Variants in NDST1 observed in about 807,000 individuals in gnomAD.
The protein encoded by NDST1 is N-deacetylase and N-sulfotransferase 1.
In NDST1, 35 loss-of-function variants were observed where a neutral mutation model predicts 92.8. That is an observed-to-expected ratio of 0.38 (90% CI 0.29 to 0.50). The LOEUF (loss-of-function observed/expected upper bound fraction) is 0.50, where lower values mean the gene tolerates loss of function less well. NDST1 is among the 20% of genes least tolerant of loss of function. NDST1 has a pLI of 0.94. For missense variants in NDST1, 822 were observed against 1,182.7 expected, an observed-to-expected ratio of 0.69 and a Z score of 4.47; for synonymous variants, 493 against 500.3, an observed-to-expected ratio of 0.99 and a Z score of 0.19.
chr5:150,548,355 C>T lies in NDST1; in HGVS notation c.2283C>T (p.Ile761=), dbSNP rs201754480. ...CLVPGWYATH[I]ERWLSAYHAN... ...TCCCTGGCTGGTACGCCACCCACAT[C>T]GAGCGCTGGCTCAGTGCCTATCACG... Residue 761 remains isoleucine (I), a synonymous_variant, in exon 12 of 15, where the codon ATC becomes ATT. Transcript: ENST00000261797. The T allele has an allele frequency of 1.1e-5, 17 of 1,613,464 alleles. No individual in the cohort carries two copies. The highest frequency in any genetic ancestry group is 3.3e-5 in the Admixed American group (2 of 60,024).
intron 6 of NDST1, among the ~76,000 whole-genome samples, chr5:150,538,221 A>G (rs1755081192): frequency 6.6e-6 from 1 of 151,930 alleles, no homozygotes; most frequent in South Asian, 2.1e-4. Context: ...ATGGTGGTAG[A>G]TGAGGTCGGG....
Position 150,557,181 on chromosome 5 carries a change from T to TG in NDST1, c.*3856dup, listed in dbSNP as rs937011217. ...GAGGGGCCAGTTAGAGCAAGAGCTC[T>TG]GGGGGGGCCGGAAAGTCTCCCTGGA... On this transcript the variant is annotated 3_prime_UTR_variant, in exon 15 of 15. Coordinates refer to ENST00000261797, the MANE Select transcript of NDST1 (RefSeq NM_001543.5). This position sits in a 1 kb window ranked among gnomAD's most constrained non-coding sequence, Gnocchi z 4.7. 5 of 152,476 alleles carry TG rather than the reference T, an allele frequency of 3.3e-5. No individual in the cohort carries two copies. The highest frequency in any genetic ancestry group is 4.1e-4 in the South Asian group (2 of 4,830). 9.4% of individuals were successfully genotyped at this position (152,476 alleles called of 1,614,324 possible).
In NDST1 at chr5:150,521,276, C is replaced by A. The variant is rs766038600; in HGVS notation, c.22C>A (p.Arg8=). 132 of 1,610,884 alleles carry A rather than the reference C, an allele frequency of 8.2e-5. No individual in the cohort carries two copies. The highest frequency in any genetic ancestry group is 1.1e-4 in the Non-Finnish European group (124 of 1,179,702). ...CAGGATGCCTGCCCTGGCATGCCTC[C>A]GGAGGCTGTGTCGGCACGTGTCCCC... MPALACL[R]RLCRHVSPQA... The change falls in exon 2 of 15, where the codon CGG becomes AGG. Residue 8 remains arginine, a synonymous_variant. Transcript: ENST00000261797. The surrounding 1 kb of genome is among the most constrained non-coding windows in gnomAD (Gnocchi z 5.9).
chr5:150,514,443 C>A (rs934492116), intron 1 of NDST1, among the ~76,000 whole-genome samples: 1 of 151,752 alleles, frequency 6.6e-6, no homozygotes, highest in Non-Finnish European at 1.5e-5. Context: ...TGCTTGTAAT[C>A]CCAGCTACTC....
chr5:150,543,257 GGGA>G (rs1209605177), intron 10 of NDST1, among the ~76,000 whole-genome samples: 2 of 152,238 alleles, frequency 1.3e-5, no homozygotes, highest in African/African-American at 2.4e-5. Flanking sequence ...CTGAGTCTTG[GGGA>G]GGAGAAGGGT....
In NDST1 at chr5:150,540,203, C is replaced by T. The variant is rs778295416; in HGVS notation, c.1688C>T (p.Pro563Leu). The T allele has an allele frequency of 6.2e-7, 1 of 1,614,160 alleles. No individual in the cohort carries two copies. The highest frequency in any genetic ancestry group is 8.5e-7 in the Non-Finnish European group (1 of 1,179,994). Residue 563 changes from proline to leucine, a missense_variant, in exon 8 of 15, where the codon CCT becomes CTT. Physicochemically the swap from Pro to Leu is moderately conservative, Grantham distance 98 (BLOSUM62 -3). Coordinates refer to ENST00000261797, the MANE Select transcript of NDST1 (RefSeq NM_001543.5). ...WTNLRLQTLP[P>L]VQLAQKYFQI... ...AACCTCCGGCTGCAGACACTGCCCC[C>T]TGTGCAGTTGGCGCAGAAGTACTTC...
chr5:150,512,256 G>T (rs1170928686), intron 1 of NDST1, among the ~76,000 whole-genome samples: 1 of 152,168 alleles, frequency 6.6e-6, no homozygotes, highest in Non-Finnish European at 1.5e-5. Context: ...GTGTTGGGGG[G>T]GCAGGGAGCA....
intron 13 of NDST1, chr5:150,550,831 T>C (rs1253552254): frequency 6.6e-6 from 1 of 152,246 alleles, no homozygotes; most frequent in Non-Finnish European, 1.5e-5. Context: ...CTCGCTTTCC[T>C]CATCTGTAAG....
At position 150,548,271 on chromosome 5, in the gene NDST1, G is replaced by T. The variant is rs1406987967; in HGVS notation, c.2199G>T (p.Val733=). ...PVALKYTFHE[V]ITAGSDASSK... is the part of the protein sequence containing the mutation. ...CCCTAAAGTACACCTTCCATGAGGT[G>T]ATTACCGCCGGCTCTGACGCATCCT... is the stretch of plus-strand genomic sequence containing the variant. Residue 733 remains valine, a synonymous_variant, in exon 12 of 15, where the codon GTG becomes GTT. Transcript: ENST00000261797. The T allele has an allele frequency of 6.2e-7, 1 of 1,614,194 alleles. No individual in the cohort carries two copies. The highest frequency in any genetic ancestry group is 8.5e-7 in the Non-Finnish European group (1 of 1,180,038).
At chr5:150,546,935 C>G (rs932717167) in intron 11 of NDST1, among the ~76,000 whole-genome samples, 1 of 152,208 alleles carries the variant, frequency 6.6e-6, no homozygotes, top group Admixed American at 6.5e-5. Flanking sequence ...CTGTGTGCCC[C>G]CGCCTCCTGG....
rs535845470 is a variant in NDST1 at position 150,553,982 on chromosome 5, G to C, written c.*650G>C. ...TCAAGGCTTCCCGCAGGGCCTTGGGGCACTGCCTTGCCATCGGGCCCAGTT... is the reference window on the plus strand; with the variant it reads ...TCAAGGCTTCCCGCAGGGCCTTGGGCCACTGCCTTGCCATCGGGCCCAGTT... On this transcript the variant is annotated 3_prime_UTR_variant, in exon 15 of 15. Coordinates refer to ENST00000261797, the MANE Select transcript of NDST1 (RefSeq NM_001543.5). This position sits in a 1 kb window ranked among gnomAD's most constrained non-coding sequence, Gnocchi z 4.2. 2.4e-6 allele frequency: 1 copy of C among 409,100 alleles called. No homozygotes were observed. Among genetic ancestry groups the C allele is most frequent in the African/African-American group, 2.0e-5 (1 of 49,026 alleles). The allele number at this position is 409,100 out of a possible 1,614,324, so 25.3% of individuals were successfully genotyped here.
At chr5:150,539,445 A>G (rs772849372) in intron 7 of NDST1, 89 bp downstream of exon 7, 4 of 1,605,632 alleles carry the variant, frequency 2.5e-6, no homozygotes, top group Non-Finnish European at 2.5e-6. Context: ...GAGCCAGGAA[A>G]GGGTGGAGAG....
Position 150,535,856 on chromosome 5 carries a change from C to T in NDST1, c.1408C>T (p.Arg470Cys), listed in dbSNP as rs746257815. The part of the protein sequence containing the change: ...EYPHLKPARY[R>C]RGFIHNGIMV... The stretch of plus-strand genomic sequence containing the variant: ...CCCCCACCTGAAGCCAGCCCGCTAC[C>T]GCCGTGGCTTCATCCACAATGGCAT... The change falls in exon 6 of 15, where the codon CGC becomes TGC. Residue 470 changes from arginine (R) to cysteine (C), a missense_variant. Physicochemically the swap from Arg to Cys is radical, Grantham distance 180. Transcript: ENST00000261797. 3 of 1,613,804 alleles carry T rather than the reference C, an allele frequency of 1.9e-6. No individual in the cohort carries two copies. The highest frequency in any genetic ancestry group is 1.1e-5 in the South Asian group (1 of 91,030).
At chr5:150,549,440 G>A (rs781393120) in intron 12 of NDST1, among the ~76,000 whole-genome samples, 1 of 152,214 alleles carries the variant, frequency 6.6e-6, no homozygotes, top group Non-Finnish European at 1.5e-5. Context: ...GGCAGGGTTT[G>A]GTGAGAGCTT....
rs148032101 is a variant in NDST1 at position 150,548,316 on chromosome 5, G to A, written c.2244G>A (p.Gln748=). Residue 748 remains glutamine, a synonymous_variant, in exon 12 of 15, where the codon CAG becomes CAA. Transcript: ENST00000261797. ...SDASSKLRAL[Q]NRCLVPGWYA... ...CATCCTCGAAGCTGCGTGCCCTCCA[G>A]AACCGCTGCCTGGTCCCTGGCTGGT... 8.4e-5 allele frequency: 135 copies of A among 1,613,974 alleles called. No homozygotes were observed. Among genetic ancestry groups the A allele is most frequent in the Middle Eastern group, 1.6e-4 (1 of 6,084 alleles).
At position 150,521,294 on chromosome 5, in the gene NDST1, G is replaced by C; in HGVS notation, c.40G>C (p.Val14Leu). ...ATGCCTCCGGAGGCTGTGTCGGCAC[G>C]TGTCCCCGCAGGCTGTCCTTTTCCT... ...LACLRRLCRH[V>L]SPQAVLFLLF... The change falls in exon 2 of 15, where the codon GTG (valine) becomes CTG (leucine). Residue 14 changes from valine to leucine, a missense_variant. Coordinates refer to ENST00000261797, the MANE Select transcript of NDST1 (RefSeq NM_001543.5). This position sits in a 1 kb window ranked among gnomAD's most constrained non-coding sequence, Gnocchi z 5.9. 6.2e-7 allele frequency: 1 copy of C among 1,612,366 alleles called. No individual in the cohort carries two copies. The highest frequency in any genetic ancestry group is 8.5e-7 in the Non-Finnish European group (1 of 1,179,878).
At chr5:150,528,347 CT>C (rs1754563772) in intron 3 of NDST1, 49 bp downstream of exon 3, 26 of 1,545,054 alleles carry the variant, frequency 1.7e-5, no homozygotes, top group Non-Finnish European at 2.3e-5. Flanking sequence ...GCCTGGCAAG[CT>C]TCAGCCTTCA....
Position 150,556,817 on chromosome 5 carries a change from G to A in NDST1, c.*3485G>A, listed in dbSNP as rs1367333273. 1 of 152,600 alleles carries A rather than the reference G, an allele frequency of 6.6e-6. No homozygotes were observed. Among genetic ancestry groups the A allele is most frequent in the Non-Finnish European group, 1.5e-5 (1 of 68,048 alleles). 9.5% of individuals were successfully genotyped at this position (152,600 alleles called of 1,614,324 possible). A position where few individuals can be genotyped will look rare whatever the true frequency, so the allele number is the denominator to read the frequency against. Reference sequence around the variant, plus strand: ...CAATTGTCTCCCAGGTAACTTATGTGTCTGGTTTTGGAATCAGCATCCAGT... The same window carrying A: ...CAATTGTCTCCCAGGTAACTTATGTATCTGGTTTTGGAATCAGCATCCAGT... On this transcript the variant is annotated 3_prime_UTR_variant, in exon 15 of 15. Transcript: ENST00000261797.
chr5:150,540,439 C>G (rs1755193193), intron 8 of NDST1, among the ~76,000 whole-genome samples, 175 bp downstream of exon 8: 1 of 152,224 alleles, frequency 6.6e-6, no homozygotes, highest in Admixed American at 6.5e-5. Context: ...CCTTTGCACA[C>G]ATGCATGCTC....
Sources: gnomAD v4.1 joint callset for allele counts (sites outside exome capture counted in the v4.1 genomes callset) on GRCh38, gnomAD v4.1.1 for gene constraint, Gnocchi (gnomAD v3.1) non-coding constraint, MANE v1.5 for transcripts, NCBI Gene and HGNC (gene_info 2026-07-23, HGNC 2026-07-21) for gene names.